The following TRIM52 variants were observed in gnomAD, a reference collection of about 807,000 sequenced individuals.
TRIM52 encodes E3 ubiquitin-protein ligase TRIM52.
TRIM52 carries 24 observed loss-of-function variants against 27.0 expected under a neutral mutation model. The ratio of observed to expected loss-of-function variants is 0.89; its 90% CI spans 0.64 to 1.25. The LOEUF is 1.25. TRIM52 is among the 50% of genes most tolerant of loss of function. The pLI, the probability that TRIM52 is intolerant of heterozygous loss-of-function variation, is 0.00. For synonymous variants in TRIM52, 125 were observed against 126.5 expected, an observed-to-expected ratio of 0.99 and a Z score of 0.08; for missense variants, 351 against 354.7, an observed-to-expected ratio of 0.99 and a Z score of 0.08.
chr5:181,260,767 T>A lies in TRIM52; in HGVS notation c.47A>T (p.Glu16Val), dbSNP rs750473617. ...CAAGCAGATGGCACACACCGCTTCC[T>A]CCTGAAGGGTCTGCATGGGGCTGGG... Reference protein sequence around the residue: ...TTPSPMQTLQEEAVCAICLDY... With the variant: ...TTPSPMQTLQVEAVCAICLDY... The change falls in exon 1 of 2, where the codon GAG becomes GTG. Residue 16 changes from glutamate to valine, a missense_variant. Coordinates refer to ENST00000688015, the MANE Select transcript of TRIM52 (RefSeq NM_001346048.2). This position sits in a 1 kb window ranked among gnomAD's most constrained non-coding sequence, Gnocchi z 4.4. 4.3e-6 allele frequency: 7 copies of A among 1,611,898 alleles called. No homozygotes were observed. Among genetic ancestry groups the A allele is most frequent in the Non-Finnish European group, 5.9e-6 (7 of 1,178,590 alleles).
intron 1 of TRIM52, chr5:181,257,748 T>G (rs1229829347): frequency 2.2e-5 from 5 of 228,686 alleles, no homozygotes; most frequent in Non-Finnish European, 4.3e-5. Flanking sequence ...TCCCAGCACT[T>G]TGGGAGGCCG....
downstream of TRIM52, among the ~76,000 whole-genome samples, chr5:181,252,976 C>G (rs73813178): frequency 0.011 from 1,708 of 151,990 alleles, 32 homozygotes; most frequent in African/African-American, 0.04. Flanking sequence ...TTTGCTACCC[C>G]ACTCCAAGAG....
rs377535135 is a variant in TRIM52, at chr5:181,260,526, G to C, written c.288C>G (p.Phe96Leu). Residue 96 changes from phenylalanine to leucine, a missense_variant, in exon 1 of 2, where the codon TTC becomes TTG. Physicochemically the swap from Phe to Leu is conservative, Grantham distance 22 (BLOSUM62 0). Transcript: ENST00000688015. This position sits in a 1 kb window ranked among gnomAD's most constrained non-coding sequence, Gnocchi z 4.4. ...LYRGNADEEL[F>L]QDQDDDELWL... Reference sequence around the variant, plus strand: ...AGAGTTCATCGTCATCTTGGTCTTGGAACAACTCTTCGTCAGCATTCCCCC... The same window carrying C: ...AGAGTTCATCGTCATCTTGGTCTTGCAACAACTCTTCGTCAGCATTCCCCC... The C allele has an allele frequency of 1.1e-5, 18 of 1,613,500 alleles. No homozygotes were observed. In the East Asian group the frequency reaches 1.3e-4, roughly 12 times the overall value.
At chr5:181,249,123 A>G (rs561313265), downstream of TRIM52, among the ~76,000 whole-genome samples, 1 of 152,330 alleles carries the variant, frequency 6.6e-6, no homozygotes, top group Admixed American at 6.5e-5. Context: ...GTCACGGTGC[A>G]GGCTAGGTTG....
chr5:181,252,180 T>C (rs544319592), downstream of TRIM52, among the ~76,000 whole-genome samples: 4 of 152,332 alleles, frequency 2.6e-5, no homozygotes, highest in South Asian at 6.2e-4. Context: ...CTAAAAATAT[T>C]ACCTTACAGC....
At chr5:181,251,812 C>CT (rs996141468), downstream of TRIM52, among the ~76,000 whole-genome samples, 15 of 152,326 alleles carry the variant, frequency 9.8e-5, no homozygotes, top group African/African-American at 3.6e-4. Context: ...CTCATTAACT[C>CT]TGTCAGCACA....
Position 181,256,679 on chromosome 5 carries a change from A to T in TRIM52, c.*130T>A. On this transcript the variant is annotated 3_prime_UTR_variant, in exon 2 of 2. Transcript: ENST00000688015. The stretch of plus-strand genomic sequence containing the variant: ...GCAATTAAAAGGGCTGTTTAATATT[A>T]AGCTTTCACGGCTTGGAAGATTCCT... The T allele has an allele frequency of 7.1e-6, 4 of 565,390 alleles. No homozygotes were observed. The highest frequency in any genetic ancestry group is 9.0e-6 in the Non-Finnish European group (4 of 446,258). The allele number at this position is 565,390 out of a possible 1,614,324, so 35.0% of individuals were successfully genotyped here. A position where few individuals can be genotyped will look rare whatever the true frequency, so the allele number is the denominator to read the frequency against.
downstream of TRIM52, among the ~76,000 whole-genome samples, chr5:181,253,812 T>C (rs1759689986): frequency 7.3e-6 from 1 of 136,384 alleles, no homozygotes; most frequent in South Asian, 2.3e-4. Context: ...GCCTGGGCAA[T>C]GTAGGGAGAT....
Position 181,260,013 on chromosome 5 carries a change from C to T in TRIM52, c.801G>A (p.Val267=). The change falls in exon 1 of 2, where the codon GTG becomes GTA. Residue 267 remains valine, a synonymous_variant. Coordinates refer to ENST00000688015, the MANE Select transcript of TRIM52 (RefSeq NM_001346048.2). The surrounding 1 kb of genome is among the most constrained non-coding windows in gnomAD (Gnocchi z 4.4). ...QHSVLPLEEV[V]QEYQKIGSTS... is the part of the protein sequence containing the mutation. Reference sequence around the variant, plus strand: ...TCATTTCTCTCACCTGGTACTCCTGCACCACCTCCTCCAAAGGCAGCACGC... The same window carrying T: ...TCATTTCTCTCACCTGGTACTCCTGTACCACCTCCTCCAAAGGCAGCACGC... The T allele has an allele frequency of 6.2e-7, 1 of 1,613,930 alleles. No homozygotes were observed.
chr5:181,259,859 C>T (rs1035213725), intron 1 of TRIM52, 142 bp downstream of exon 1: 1 of 1,534,248 alleles, frequency 6.5e-7, no homozygotes, highest in Non-Finnish European at 8.7e-7. Context: ...CCATCTCTCT[C>T]CACCGTGTCT....
Position 181,260,104 on chromosome 5 carries a change from A to G in TRIM52, c.710T>C (p.Phe237Ser), listed in dbSNP as rs1420369274. Residue 237 changes from phenylalanine (F) to serine (S), a missense_variant, in exon 1 of 2, where the codon TTC becomes TCC. Physicochemically the swap from Phe to Ser is radical, Grantham distance 155. Transcript: ENST00000688015. This position sits in a 1 kb window ranked among gnomAD's most constrained non-coding sequence, Gnocchi z 4.4. ...GATGGCCTCTTTGTCCACCTCACAG[A>G]AGAGTTTCAGGGCTTCCTGGTGTTT... is the stretch of plus-strand genomic sequence containing the variant. The part of the protein sequence containing the change: ...CFKHQEALKL[F>S]CEVDKEAICV... The G allele has an allele frequency of 6.2e-7, 1 of 1,614,142 alleles. No homozygotes were observed. Among genetic ancestry groups the G allele is most frequent in the Admixed American group, 1.7e-5 (1 of 60,016 alleles).
chr5:181,251,044 C>T (rs546740381), downstream of TRIM52, among the ~76,000 whole-genome samples: 15 of 152,118 alleles, frequency 9.9e-5, no homozygotes, highest in South Asian at 2.9e-3. Context: ...AATCCCAGCA[C>T]TTTGGGAGGC....
downstream of TRIM52, among the ~76,000 whole-genome samples, chr5:181,252,619 G>T (rs1001280791): frequency 6.6e-6 from 1 of 152,214 alleles, no homozygotes; most frequent in African/African-American, 2.4e-5. Context: ...GGAATTGGGG[G>T]TAGGAAGCAG....
In TRIM52 at chr5:181,260,762, C is replaced by T. The variant is rs762185944; in HGVS notation, c.52G>A (p.Ala18Thr). 12 of 1,612,950 alleles carry T rather than the reference C, an allele frequency of 7.4e-6. 1 individual carries two copies. Among genetic ancestry groups the T allele is most frequent in the Non-Finnish European group, 1.0e-5 (12 of 1,179,350 alleles). The part of the protein sequence containing the change: ...PSPMQTLQEE[A>T]VCAICLDYFK... ...TAATCCAAGCAGATGGCACACACCG[C>T]TTCCTCCTGAAGGGTCTGCATGGGG... Residue 18 changes from alanine (A) to threonine (T), a missense_variant, in exon 1 of 2, where the codon GCG becomes ACG. By Grantham distance (58) the Ala-to-Thr change is moderately conservative (BLOSUM62 0). Transcript: ENST00000688015. This position sits in a 1 kb window ranked among gnomAD's most constrained non-coding sequence, Gnocchi z 4.4.
downstream of TRIM52, among the ~76,000 whole-genome samples, chr5:181,253,477 A>ACT (rs61708754): frequency 0.011 from 1,643 of 142,980 alleles, 401 homozygotes; most frequent in African/African-American, 0.046. Context: ...ACTTTCCCTG[A>ACT]CTACATCAGT....
At chr5:181,251,216 C>G (rs1000279735), downstream of TRIM52, among the ~76,000 whole-genome samples, 2 of 151,894 alleles carry the variant, frequency 1.3e-5, no homozygotes, top group African/African-American at 4.8e-5. Context: ...ACTGCTTGAA[C>G]CTGGGAGGTG....
In TRIM52 at chr5:181,256,873, T is replaced by C. The variant is rs1284141083; in HGVS notation, c.814-14A>G. 1 of 985,464 alleles carries C rather than the reference T, an allele frequency of 1.0e-6. No homozygotes were observed. Among genetic ancestry groups the C allele is most frequent in the Non-Finnish European group, 1.2e-6 (1 of 829,970 alleles). 61.0% of individuals were successfully genotyped at this position (985,464 alleles called of 1,614,324 possible). On this transcript the variant is annotated splice_polypyrimidine_tract_variant and intron_variant, in intron 1 of 1. Transcript: ENST00000688015. ...TGACCCTATCTTCTGCAAAATAACATGAGTATATACTTGAGAAAAGCCTCA... is the reference window on the plus strand; with the variant it reads ...TGACCCTATCTTCTGCAAAATAACACGAGTATATACTTGAGAAAAGCCTCA...
Position 181,255,277 on chromosome 5 carries a change from G to C in TRIM52, c.*1532C>G, listed in dbSNP as rs1475780805. ...CTGCTTTTAATAACACTCTTGCACT[G>C]CTTTCTCCCCAAAGCTAGATATATC... On this transcript the variant is annotated 3_prime_UTR_variant, in exon 2 of 2. Transcript: ENST00000688015. 2 of 152,186 alleles carry C rather than the reference G, an allele frequency of 1.3e-5. No individual in the cohort carries two copies. The highest frequency in any genetic ancestry group is 4.8e-5 in the African/African-American group (2 of 41,442). The allele number at this position is 152,186 out of a possible 1,614,324, so 9.4% of individuals were successfully genotyped here.
chr5:181,253,226 G>C (rs1262089579), downstream of TRIM52, among the ~76,000 whole-genome samples: 2 of 141,368 alleles, frequency 1.4e-5, no homozygotes, highest in African/African-American at 3.0e-5. Context: ...GCAGAGACAG[G>C]GTTTCTCCAT....
Sources: allele counts gnomAD v4.1 joint callset (sites outside exome capture counted in the v4.1 genomes callset), GRCh38; gene constraint gnomAD v4.1.1; non-coding constraint Gnocchi (gnomAD v3.1); transcripts MANE v1.5; gene names NCBI Gene and HGNC (gene_info 2026-07-23, HGNC 2026-07-21).